Variants in KIAA0825 observed in about 807,000 individuals in gnomAD.
KIAA0825 encodes KIAA0825.
A neutral mutation model predicts 147.6 loss-of-function variants in KIAA0825; 119 were observed. The observed-to-expected ratio is 0.81, with a 90% confidence interval of 0.69 to 0.94. The LOEUF is 0.94. KIAA0825 is among the 40% of genes least tolerant of loss of function. The pLI is 0.00. For missense variants in KIAA0825, 1,381 were observed against 1,472.7 expected, an observed-to-expected ratio of 0.94 and a Z score of 1.02; for synonymous variants, 470 against 518.1, an observed-to-expected ratio of 0.91 and a Z score of 1.26.
intron 20 of KIAA0825, among the ~76,000 whole-genome samples, chr5:94,362,120 T>C (rs1283800763): frequency 6.6e-6 from 1 of 152,094 alleles, no homozygotes. Context: ...ATAAGGCAAA[T>C]AAAATTTTAG....
chr5:94,310,429 G>C (rs1779056979), intron 20 of KIAA0825, among the ~76,000 whole-genome samples: 1 of 151,598 alleles, frequency 6.6e-6, no homozygotes, highest in Non-Finnish European at 1.5e-5. Flanking sequence ...TACAAAACCA[G>C]AGTTCTTAAT....
intron 20 of KIAA0825, among the ~76,000 whole-genome samples, chr5:94,289,783 C>A (rs1777809238): frequency 1.3e-5 from 2 of 151,654 alleles, no homozygotes; most frequent in African/African-American, 4.9e-5. Flanking sequence ...CTCACGTCTG[C>A]AATCCCACTA....
At chr5:94,212,318 C>A (rs1003395667) in intron 20 of KIAA0825, among the ~76,000 whole-genome samples, 2 of 152,098 alleles carry the variant, frequency 1.3e-5, no homozygotes, top group African/African-American at 4.8e-5. Flanking sequence ...TGCCCATAAT[C>A]AGATTTATGG....
intron 20 of KIAA0825, among the ~76,000 whole-genome samples, chr5:94,350,203 A>G (rs567179280): frequency 6.6e-6 from 1 of 152,338 alleles, no homozygotes; most frequent in South Asian, 2.1e-4. Context: ...TTCCTGGAAA[A>G]AATACAACCC....
intron 20 of KIAA0825, among the ~76,000 whole-genome samples, chr5:94,234,875 G>A (rs1434772799): frequency 6.6e-6 from 1 of 152,112 alleles, no homozygotes; most frequent in African/African-American, 2.4e-5. Flanking sequence ...CTATATCAAT[G>A]TCACTATTGT....
At chr5:94,528,213 GT>G (rs1380085549) in intron 3 of KIAA0825, among the ~76,000 whole-genome samples, 6 of 152,122 alleles carry the variant, frequency 3.9e-5, no homozygotes, top group African/African-American at 1.4e-4. Context: ...TTTTGTAAAA[GT>G]TTTGGCATAG....
chr5:94,594,192 C>T lies in KIAA0825; in HGVS notation c.-152-11609G>A, dbSNP rs1428325084. ...ATTCTTAGCTAGACTGGATTCTCAA[C>T]TTGAAATTTTATCTTCATCTCTAAG... On this transcript the variant is annotated intron_variant, in intron 1 of 20. Coordinates refer to ENST00000682413, the MANE Select transcript of KIAA0825 (RefSeq NM_001145678.3). 6.9e-6 allele frequency: 4 copies of T among 576,620 alleles called. No homozygotes were observed. The Admixed American group carries it at 7.7e-5, about 11-fold the overall frequency. The allele number at this position is 576,620 out of a possible 1,614,324, so 35.7% of individuals were successfully genotyped here.
Position 94,226,461 on chromosome 5 carries a change from T to A in KIAA0825, c.3711-72337A>T, listed in dbSNP as rs569339458. Among the ~76,000 whole-genome samples, 5 of 152,170 alleles carry A rather than the reference T, an allele frequency of 3.3e-5. No homozygotes were observed. The East Asian group carries it at 9.7e-4, about 29-fold the overall frequency. ...CCATTGTGGAAGACAGTGTGGTGATTCCTCAAGGATCTGAAACTAGAAATA... is the reference window on the plus strand; with the variant it reads ...CCATTGTGGAAGACAGTGTGGTGATACCTCAAGGATCTGAAACTAGAAATA... On this transcript the variant is annotated intron_variant, in intron 20 of 20. Coordinates refer to ENST00000682413, the MANE Select transcript of KIAA0825 (RefSeq NM_001145678.3).
chr5:94,475,135 T>C (rs975605979), intron 7 of KIAA0825, among the ~76,000 whole-genome samples: 1 of 152,018 alleles, frequency 6.6e-6, no homozygotes. Flanking sequence ...TCAACTGATA[T>C]AATCTTCTTT....
At chr5:94,538,295 G>A (rs757258005) in intron 2 of KIAA0825, among the ~76,000 whole-genome samples, 1 of 152,234 alleles carries the variant, frequency 6.6e-6, no homozygotes, top group African/African-American at 2.4e-5. Context: ...GAATATCAGG[G>A]AAGGTCTCTG....
intron 20 of KIAA0825, among the ~76,000 whole-genome samples, chr5:94,209,197 T>C (rs1772478278): frequency 1.3e-5 from 2 of 152,224 alleles, no homozygotes; most frequent in South Asian, 2.1e-4. Flanking sequence ...TGAATTTGTT[T>C]ATTGCATTAA....
At chr5:94,596,516 C>T (rs909030841) in intron 1 of KIAA0825, among the ~76,000 whole-genome samples, 1 of 152,084 alleles carries the variant, frequency 6.6e-6, no homozygotes. Flanking sequence ...TAACTTGATG[C>T]CTCTGGCTTT....
intron 20 of KIAA0825, among the ~76,000 whole-genome samples, chr5:94,169,441 G>A (rs936397253): frequency 1.3e-5 from 2 of 152,018 alleles, no homozygotes; most frequent in Non-Finnish European, 1.5e-5. Context: ...AATTAGCGGG[G>A]CATGGTGGCA....
chr5:94,205,383 C>G (rs1772095089), intron 20 of KIAA0825, among the ~76,000 whole-genome samples: 1 of 149,696 alleles, frequency 6.7e-6, no homozygotes, highest in African/African-American at 2.5e-5. Context: ...CTCACTGCAA[C>G]CTCCGCCTCC....
At chr5:94,391,469 C>G (rs1475385360) in intron 18 of KIAA0825, 66 bp downstream of exon 18, 3 of 1,496,680 alleles carry the variant, frequency 2.0e-6, no homozygotes, top group Non-Finnish European at 2.7e-6. Flanking sequence ...TAACCCTTAG[C>G]TGCCAGCAGA....
Position 94,335,107 on chromosome 5 carries a change from C to T in KIAA0825, c.3710+49261G>A, listed in dbSNP as rs151027098. Among the ~76,000 whole-genome samples, 28 of 152,028 alleles carry T rather than the reference C, an allele frequency of 1.8e-4. No homozygotes were observed. The East Asian group carries it at 4.6e-3, about 25-fold the overall frequency. ...TTTATGTGTTTAATATCTGGTTGTT[C>T]GATTACCCCCTCATTACTTATCTTC... On this transcript the variant is annotated intron_variant, in intron 20 of 20. Transcript: ENST00000682413.
intron 20 of KIAA0825, among the ~76,000 whole-genome samples, chr5:94,337,007 T>G (rs1781878412): frequency 6.6e-6 from 1 of 152,202 alleles, no homozygotes; most frequent in African/African-American, 2.4e-5. Context: ...AGAAACTACT[T>G]AAACTGATAC....
chr5:94,588,998 C>T (rs1237697556), intron 1 of KIAA0825, among the ~76,000 whole-genome samples: 1 of 152,110 alleles, frequency 6.6e-6, no homozygotes, highest in Non-Finnish European at 1.5e-5. Context: ...GGGAGGGGAA[C>T]ATCACACACT....
At chr5:94,518,971 T>C (rs1213763657) in intron 5 of KIAA0825, among the ~76,000 whole-genome samples, 2 of 152,040 alleles carry the variant, frequency 1.3e-5, no homozygotes, top group African/African-American at 4.8e-5. Context: ...TCAGAGAATA[T>C]AAAAATTTTA....
Sources: gnomAD v4.1 joint callset for allele counts (sites outside exome capture counted in the v4.1 genomes callset) on GRCh38, gnomAD v4.1.1 for gene constraint, MANE v1.5 for transcripts, NCBI Gene and HGNC (gene_info 2026-07-23, HGNC 2026-07-21) for gene names.